The following ATP8A1 variants were observed in gnomAD, a reference collection of about 807,000 sequenced individuals.
ATP8A1 encodes the protein ATPase phospholipid transporting 8A1, also known as phospholipid-transporting ATPase IA.
In ATP8A1, 90 loss-of-function variants were observed where a neutral mutation model predicts 177.7. The observed-to-expected ratio is 0.51, with a 90% CI of 0.43 to 0.60. The LOEUF (loss-of-function observed/expected upper bound fraction) is 0.60. Ranked by LOEUF, ATP8A1 falls within the 20% of genes least tolerant of loss-of-function variation. The pLI, the probability that ATP8A1 is intolerant of heterozygous loss-of-function variation, is 0.00. For synonymous variants in ATP8A1, 493 were observed against 485.9 expected (o/e 1.01, Z -0.19); for missense variants, 1,072 against 1,392.8 (o/e 0.77, Z 3.67).
intron 5 of ATP8A1, among the ~76,000 whole-genome samples, chr4:42,614,050 C>T (rs1254439397): frequency 1.3e-5 from 2 of 152,104 alleles, no homozygotes; most frequent in South Asian, 2.1e-4. Context: ...AGAAGCTTTT[C>T]CTCTCACTTG....
In ATP8A1 at chr4:42,627,000, A is replaced by G; in HGVS notation, c.159T>C (p.His53=). The change falls in exon 2 of 37, where the codon CAT becomes CAC. Residue 53 remains histidine (H), a synonymous_variant. Transcript: ENST00000381668. ...QPQLTKFCNN[H]VSTAKYNIIT... ...CATTCTTTGGTAGTTCTTACCTGAC[A>G]TGGTTATTGCAGAATTTTGTCAGCT... The G allele has an allele frequency of 6.2e-7, 1 of 1,613,420 alleles. No homozygotes were observed. The highest frequency in any genetic ancestry group is 8.5e-7 in the Non-Finnish European group (1 of 1,179,392).
At chr4:42,419,732 A>G (rs1195211026) in intron 35 of ATP8A1, among the ~76,000 whole-genome samples, 2 of 152,220 alleles carry the variant, frequency 1.3e-5, no homozygotes, top group Non-Finnish European at 2.9e-5. Flanking sequence ...GGCTGGGTGC[A>G]GTGGCCCACG....
At chr4:42,648,401 G>GA (rs970760399) in intron 1 of ATP8A1, among the ~76,000 whole-genome samples, 3 of 151,890 alleles carry the variant, frequency 2.0e-5, no homozygotes, top group African/African-American at 7.3e-5. Context: ...ACTGACTCCA[G>GA]AAAAAAACTC....
At chr4:42,425,964 G>A (rs10030426) in intron 33 of ATP8A1, among the ~76,000 whole-genome samples, 7,865 of 152,302 alleles carry the variant, frequency 0.052, 640 homozygotes, top group African/African-American at 0.18. Context: ...CGTGTGTGGC[G>A]AACAAGCAAC....
At chr4:42,487,344 C>G (rs1045442836) in intron 24 of ATP8A1, among the ~76,000 whole-genome samples, 1 of 152,108 alleles carries the variant, frequency 6.6e-6, no homozygotes, top group African/African-American at 2.4e-5. Context: ...TAGTTTTTCT[C>G]CCCACATCCT....
chr4:42,491,815 C>T (rs867397811), intron 24 of ATP8A1, among the ~76,000 whole-genome samples: 16 of 152,022 alleles, frequency 1.1e-4, no homozygotes, highest in African/African-American at 2.2e-4. Context: ...GCTTTCTAGC[C>T]GAGGTTTACA....
intron 10 of ATP8A1, among the ~76,000 whole-genome samples, chr4:42,581,212 C>A (rs1733012710): frequency 6.6e-6 from 1 of 152,044 alleles, no homozygotes; most frequent in Non-Finnish European, 1.5e-5. Context: ...CGGCTCACTG[C>A]AAGCTCCGCC....
chr4:42,436,867 A>G (rs1042033894), intron 33 of ATP8A1, among the ~76,000 whole-genome samples: 1 of 152,232 alleles, frequency 6.6e-6, no homozygotes, highest in African/African-American at 2.4e-5. Context: ...CCTCATATGA[A>G]AAGTAATTTA....
chr4:42,578,711 T>C (rs967142723), intron 11 of ATP8A1, among the ~76,000 whole-genome samples: 1 of 152,134 alleles, frequency 6.6e-6, no homozygotes, highest in Non-Finnish European at 1.5e-5. Flanking sequence ...AAAATCTCAA[T>C]TGGGTAGAAT....
At chr4:42,466,737 G>A (rs1262693909) in intron 25 of ATP8A1, among the ~76,000 whole-genome samples, 3 of 152,204 alleles carry the variant, frequency 2.0e-5, no homozygotes, top group Non-Finnish European at 2.9e-5. Flanking sequence ...CCATTAGCAG[G>A]CTATTTCACT....
chr4:42,461,050 C>T (rs1403192253), intron 27 of ATP8A1, among the ~76,000 whole-genome samples: 1 of 152,132 alleles, frequency 6.6e-6, no homozygotes, highest in Non-Finnish European at 1.5e-5. Flanking sequence ...ACTGGCCACA[C>T]GTGCTCTTGA....
At chr4:42,490,039 A>G (rs1722590101) in intron 24 of ATP8A1, among the ~76,000 whole-genome samples, 1 of 152,156 alleles carries the variant, frequency 6.6e-6, no homozygotes, top group Non-Finnish European at 1.5e-5. Flanking sequence ...GGGGAGATGG[A>G]CAGGTAAGAG....
At chr4:42,619,390 G>A (rs1447651135) in intron 4 of ATP8A1, among the ~76,000 whole-genome samples, 1 of 152,108 alleles carries the variant, frequency 6.6e-6, no homozygotes, top group African/African-American at 2.4e-5. Context: ...CTTTATCACA[G>A]GAACTAGCAT....
intron 22 of ATP8A1, among the ~76,000 whole-genome samples, chr4:42,508,135 ATTAT>A (rs752442534): frequency 5.3e-5 from 8 of 152,138 alleles, no homozygotes; most frequent in Non-Finnish European, 8.8e-5. Flanking sequence ...TATTATTTTT[ATTAT>A]TTATTTATTT....
intron 25 of ATP8A1, among the ~76,000 whole-genome samples, chr4:42,482,144 A>C (rs1721732138): frequency 6.6e-6 from 1 of 151,730 alleles, no homozygotes; most frequent in Non-Finnish European, 1.5e-5. Context: ...TCTACTAAAA[A>C]TACAAAAAAT....
At position 42,552,546 on chromosome 4, in the gene ATP8A1, T is replaced by C; in HGVS notation, c.1478A>G (p.Glu493Gly). Residue 493 changes from glutamate to glycine, a missense_variant, in exon 17 of 37, where the codon GAG becomes GGG. Glu to Gly is a moderately conservative substitution (Grantham distance 98). Around this residue, in one of 5 missense-constraint regions of ATP8A1, gnomAD observed 388 missense variants for 471.7 expected, o/e 0.82. Transcript: ENST00000381668. Reference sequence around the variant, plus strand: ...ATAAATAATCTTGTCACCTTCTCGCTCTGGCACTGCTGTGTGACAGACTGC... The same window carrying C: ...ATAAATAATCTTGTCACCTTCTCGCCCTGGCACTGCTGTGTGACAGACTGC... The part of the protein sequence containing the change: ...MMAVCHTAVP[E>G]REGDKIIYQA... The C allele has an allele frequency of 1.2e-6, 2 of 1,613,676 alleles. No individual in the cohort carries two copies. Among genetic ancestry groups the C allele is most frequent in the Non-Finnish European group, 1.7e-6 (2 of 1,179,878 alleles).
chr4:42,537,838 A>G (rs950122566), intron 20 of ATP8A1, among the ~76,000 whole-genome samples: 1 of 152,212 alleles, frequency 6.6e-6, no homozygotes, highest in African/African-American at 2.4e-5. Flanking sequence ...ATCCTGCTAA[A>G]AGCAATCTAC....
chr4:42,471,592 T>C (rs1369952375), intron 25 of ATP8A1, among the ~76,000 whole-genome samples: 2 of 152,218 alleles, frequency 1.3e-5, no homozygotes, highest in South Asian at 2.1e-4. Context: ...AATTAGCAAA[T>C]AGACCTATGA....
chr4:42,435,745 C>T (rs963892984), intron 33 of ATP8A1, among the ~76,000 whole-genome samples: 3 of 152,148 alleles, frequency 2.0e-5, no homozygotes, highest in Non-Finnish European at 4.4e-5. Flanking sequence ...ACTCCTTGAG[C>T]GTGAAATGCT....
Sources: gnomAD v4.1 joint callset for allele counts (sites outside exome capture counted in the v4.1 genomes callset) on GRCh38, gnomAD v4.1.1 for gene constraint, gnomAD v4.1.1 regional missense constraint, MANE v1.5 for transcripts, NCBI Gene and HGNC (gene_info 2026-07-23, HGNC 2026-07-21) for gene names.